Variants in ANXA8 observed in about 807,000 individuals in gnomAD.
The protein encoded by ANXA8 is VAC-beta.
A neutral mutation model predicts 26.8 loss-of-function variants in ANXA8; 9 were observed. The observed-to-expected ratio is 0.34, with a 90% CI of 0.20 to 0.59. The LOEUF is 0.59. Ranked by LOEUF, ANXA8 falls within the 20% of genes least tolerant of loss-of-function variation. The pLI is 0.84. For synonymous variants in ANXA8, 39 were observed against 94.8 expected, an observed-to-expected ratio of 0.41 and a Z score of 3.42; for missense variants, 83 against 238.5, an observed-to-expected ratio of 0.35 and a Z score of 4.29.
At chr10:47,716,175 G>GT in the ANXA8 span, among the ~76,000 whole-genome samples, 1 of 110,188 alleles carries the variant, frequency 9.1e-6, no homozygotes, top group Non-Finnish European at 1.8e-5. Context: ...GACTCCCAAA[G>GT]TGCTGGAATT....
the ANXA8 span, among the ~76,000 whole-genome samples, chr10:47,958,125 A>G: frequency 6.7e-6 from 1 of 150,272 alleles, no homozygotes; most frequent in Non-Finnish European, 1.5e-5. Flanking sequence ...CAAAAGACAG[A>G]ACACCATGAC....
At chr10:47,659,573 G>C in the ANXA8 span, among the ~76,000 whole-genome samples, 2 of 151,268 alleles carry the variant, frequency 1.3e-5, no homozygotes, top group African/African-American at 4.9e-5. Context: ...CTACTTGGGA[G>C]GCTGAGGCAG....
the ANXA8 span, among the ~76,000 whole-genome samples, chr10:47,645,130 AT>A: frequency 3.3e-5 from 5 of 151,192 alleles, no homozygotes; most frequent in Non-Finnish European, 7.4e-5. Flanking sequence ...ATTTGAAAAA[AT>A]AATGTCTAAT....
chr10:47,768,865 G>A, the ANXA8 span, among the ~76,000 whole-genome samples: 1 of 151,516 alleles, frequency 6.6e-6, no homozygotes, highest in Non-Finnish European at 1.5e-5. Flanking sequence ...CCAGCCAAAG[G>A]TTTGTGGATC....
the ANXA8 span, among the ~76,000 whole-genome samples, chr10:47,977,391 A>G: frequency 6.6e-6 from 1 of 151,348 alleles, no homozygotes; most frequent in Non-Finnish European, 1.5e-5. Context: ...TCAGTTTTTA[A>G]GAAAAAAATA....
the ANXA8 span, among the ~76,000 whole-genome samples, chr10:47,503,741 T>C: frequency 8.3e-6 from 1 of 120,478 alleles, no homozygotes; most frequent in Non-Finnish European, 1.7e-5. Context: ...CTGGCCAACA[T>C]GGTGAAACCC....
At chr10:47,945,448 C>T in the ANXA8 span, among the ~76,000 whole-genome samples, 1 of 150,868 alleles carries the variant, frequency 6.6e-6, no homozygotes, top group Admixed American at 6.6e-5. Context: ...GGTCTCTTTG[C>T]CCACCCGCTG....
chr10:47,553,741 C>G, the ANXA8 span, among the ~76,000 whole-genome samples: 2 of 150,728 alleles, frequency 1.3e-5, no homozygotes, highest in African/African-American at 4.9e-5. Context: ...TCAGCTCCTG[C>G]TGTGGCACTC....
At chr10:47,952,005 G>A in the ANXA8 span, among the ~76,000 whole-genome samples, 3 of 150,302 alleles carry the variant, frequency 2.0e-5, no homozygotes, top group Non-Finnish European at 4.4e-5. Context: ...AGAAAACCCA[G>A]GTGATGATCT....
chr10:47,742,465 CAA>C, the ANXA8 span, among the ~76,000 whole-genome samples: 5 of 149,146 alleles, frequency 3.4e-5, no homozygotes, highest in Non-Finnish European at 5.9e-5. Flanking sequence ...GTATTCCTAA[CAA>C]GAGTAATAAG....
At chr10:47,619,904 C>T in the ANXA8 span, among the ~76,000 whole-genome samples, 3 of 112,144 alleles carry the variant, frequency 2.7e-5, no homozygotes, top group Non-Finnish European at 5.9e-5. Context: ...ATATATTCCT[C>T]TCTATCTGCT....
the ANXA8 span, among the ~76,000 whole-genome samples, chr10:47,508,958 T>G: frequency 7.7e-6 from 1 of 130,516 alleles, no homozygotes; most frequent in Admixed American, 7.5e-5. Flanking sequence ...TGATAAAACA[T>G]TTTTCAATAT....
chr10:47,470,462 A>G (rs1839301024), intron 11 of ANXA8, among the ~76,000 whole-genome samples: 1 of 128,382 alleles, frequency 7.8e-6, no homozygotes, highest in Admixed American at 8.1e-5. Flanking sequence ...TCCCGACAAG[A>G]TTGGCTGGGG....
chr10:47,901,707 G>T, the ANXA8 span, among the ~76,000 whole-genome samples: 3 of 121,858 alleles, frequency 2.5e-5, no homozygotes, highest in Non-Finnish European at 3.6e-5. Flanking sequence ...TAAATAACTA[G>T]TCGTTTTGCT....
At chr10:47,771,607 C>A in the ANXA8 span, among the ~76,000 whole-genome samples, 1 of 151,432 alleles carries the variant, frequency 6.6e-6, no homozygotes, top group Non-Finnish European at 1.5e-5. Context: ...GATGGAGTTT[C>A]GCTCTTGTTG....
the ANXA8 span, among the ~76,000 whole-genome samples, chr10:47,666,703 T>C: frequency 6.6e-6 from 1 of 151,480 alleles, no homozygotes; most frequent in South Asian, 2.1e-4. Context: ...TTCCATACTT[T>C]TTAATCTTAA....
chr10:47,973,261 T>A, the ANXA8 span: 6 of 148,660 alleles, frequency 4.0e-5, 1 homozygote, highest in Admixed American at 4.1e-4. Flanking sequence ...TTCCTGAGCA[T>A]CATGTAGTCT....
At chr10:47,888,984 G>A in the ANXA8 span, among the ~76,000 whole-genome samples, 2,523 of 14,930 alleles carry the variant, frequency 0.17, 194 homozygotes, top group East Asian at 0.5. Flanking sequence ...TAATATATAT[G>A]TGTGTGTGTG....
chr10:47,681,313 A>G, the ANXA8 span, among the ~76,000 whole-genome samples: 2 of 151,250 alleles, frequency 1.3e-5, no homozygotes, highest in Admixed American at 1.3e-4. Flanking sequence ...TTATTTGCTG[A>G]GTATGACTTT....
Sources: allele counts gnomAD v4.1 joint callset (sites outside exome capture counted in the v4.1 genomes callset), GRCh38; gene constraint gnomAD v4.1.1; transcripts MANE v1.5; gene names NCBI Gene and HGNC (gene_info 2026-07-23, HGNC 2026-07-21).